PCED1B: variants seen among roughly 807,000 people sequenced by gnomAD.
The protein encoded by PCED1B is PC-esterase domain containing 1B.
For missense variants in PCED1B, 573 were observed against 573.9 expected (o/e 1.00, Z 0.02); for synonymous variants, 251 against 246.1 (o/e 1.02, Z -0.19).
chr12:47,140,047 C>T lies in PCED1B; in HGVS notation c.-526+35852C>T, dbSNP rs533242762. Among the ~76,000 whole-genome samples, 30 of 152,238 alleles carry T rather than the reference C, an allele frequency of 2.0e-4. No homozygotes were observed. The South Asian group carries it at 6.0e-3, about 31-fold the overall frequency. ...CATCCTGCCAGGGTGATTGAAAACT[C>T]CAGCTTGAAAATAAAATAAGCATTC... On this transcript the variant is annotated intron_variant, in intron 2 of 3. Coordinates refer to ENST00000546455, the MANE Select transcript of PCED1B (RefSeq NM_138371.3).
intron 1 of PCED1B, among the ~76,000 whole-genome samples, chr12:47,094,746 T>C (rs1938407744): frequency 6.6e-6 from 1 of 152,158 alleles, no homozygotes; most frequent in African/African-American, 2.4e-5. Context: ...TAGTTCTACA[T>C]ATATTTTATA....
chr12:47,085,776 A>G (rs1307364990), intron 1 of PCED1B, among the ~76,000 whole-genome samples: 1 of 152,212 alleles, frequency 6.6e-6, no homozygotes, highest in Non-Finnish European at 1.5e-5. Flanking sequence ...CTATTATTCT[A>G]GAGTCCTTTG....
At chr12:47,184,474 A>G (rs1942192917) in intron 2 of PCED1B, among the ~76,000 whole-genome samples, 1 of 152,234 alleles carries the variant, frequency 6.6e-6, no homozygotes, top group African/African-American at 2.4e-5. Context: ...CAGCAGCTCC[A>G]GCACACACCA....
chr12:47,230,298 A>G (rs565790481), intron 3 of PCED1B, among the ~76,000 whole-genome samples: 6 of 151,650 alleles, frequency 4.0e-5, no homozygotes. Flanking sequence ...GTTTGCCAGG[A>G]TGGTCTCCAT....
intron 2 of PCED1B, among the ~76,000 whole-genome samples, chr12:47,175,837 C>G (rs148925191): frequency 0.022 from 3,390 of 151,810 alleles, 96 homozygotes; most frequent in African/African-American, 0.064. Flanking sequence ...CTCCCAAAGT[C>G]CTGGGTTTAC....
At chr12:47,192,571 C>T (rs906762654) in intron 2 of PCED1B, among the ~76,000 whole-genome samples, 11 of 152,132 alleles carry the variant, frequency 7.2e-5, no homozygotes, top group African/African-American at 1.2e-4. Flanking sequence ...TGGAATTGGA[C>T]GAGGGCAGAG....
intron 1 of PCED1B, among the ~76,000 whole-genome samples, chr12:47,082,883 G>A (rs568910892): frequency 1.8e-4 from 27 of 151,734 alleles, no homozygotes; most frequent in African/African-American, 2.4e-4. Flanking sequence ...AATAGGATGC[G>A]ATAGATATTC....
chr12:47,124,370 A>G (rs1351238899), intron 2 of PCED1B, among the ~76,000 whole-genome samples: 1 of 152,020 alleles, frequency 6.6e-6, no homozygotes, highest in African/African-American at 2.4e-5. Context: ...TTTATTGCTG[A>G]ACACTATTCC....
chr12:47,194,213 C>G (rs1052801976), intron 2 of PCED1B, among the ~76,000 whole-genome samples: 4 of 152,178 alleles, frequency 2.6e-5, no homozygotes, highest in African/African-American at 9.7e-5. Flanking sequence ...CTCACTCTGT[C>G]GCCCAGGCTG....
intron 1 of PCED1B, among the ~76,000 whole-genome samples, chr12:47,097,395 G>C (rs1438118046): frequency 1.3e-5 from 2 of 152,160 alleles, no homozygotes; most frequent in African/African-American, 4.8e-5. Context: ...CAAACATAGG[G>C]AGTTTCCTCA....
intron 2 of PCED1B, among the ~76,000 whole-genome samples, chr12:47,189,394 T>A (rs572053355): frequency 1.3e-5 from 2 of 152,334 alleles, no homozygotes; most frequent in South Asian, 2.1e-4. Context: ...GTGCCGTGAA[T>A]GGAGAGGTGC....
chr12:47,218,791 C>A (rs1943383664), intron 3 of PCED1B, among the ~76,000 whole-genome samples: 1 of 151,450 alleles, frequency 6.6e-6, no homozygotes, highest in African/African-American at 2.4e-5. Flanking sequence ...CAGGTGTGAG[C>A]CACTCTACCT....
intron 2 of PCED1B, among the ~76,000 whole-genome samples, chr12:47,110,006 G>A (rs550920769): frequency 4.3e-4 from 65 of 152,296 alleles, no homozygotes; most frequent in African/African-American, 1.5e-3. Flanking sequence ...TTAGTAAAAT[G>A]GAGATTCTAC....
At chr12:47,167,879 A>C (rs2137535565) in intron 2 of PCED1B, among the ~76,000 whole-genome samples, 1 of 152,272 alleles carries the variant, frequency 6.6e-6, no homozygotes, top group South Asian at 2.1e-4. Context: ...GCAGGCCAAC[A>C]TTGCTCTCCT....
intron 2 of PCED1B, among the ~76,000 whole-genome samples, chr12:47,106,607 C>T (rs976276691): frequency 1.1e-4 from 17 of 152,164 alleles, no homozygotes; most frequent in Admixed American, 5.2e-4. Context: ...CTGTAGGCGT[C>T]GAGCCTCCTC....
At chr12:47,126,826 T>C (rs1258677966) in intron 2 of PCED1B, among the ~76,000 whole-genome samples, 1 of 152,212 alleles carries the variant, frequency 6.6e-6, no homozygotes. Flanking sequence ...TTTTACACTC[T>C]GTTGAGTCCA....
intron 2 of PCED1B, among the ~76,000 whole-genome samples, chr12:47,173,956 A>G (rs1941835977): frequency 6.6e-6 from 1 of 152,216 alleles, no homozygotes; most frequent in African/African-American, 2.4e-5. Flanking sequence ...AAAAGTGTCT[A>G]GCATGGTGGC....
At position 47,235,323 on chromosome 12, in the gene PCED1B, A is replaced by G. The variant is rs778805102; in HGVS notation, c.260A>G (p.His87Arg). 6 of 1,613,972 alleles carry G rather than the reference A, an allele frequency of 3.7e-6. No individual in the cohort carries two copies. Among genetic ancestry groups the G allele is most frequent in the Non-Finnish European group, 5.1e-6 (6 of 1,180,036 alleles). Residue 87 changes from histidine (H) to arginine (R), a missense_variant, in exon 4 of 4, where the codon CAT (histidine) becomes CGT (arginine). Physicochemically the swap from His to Arg is conservative, Grantham distance 29. Transcript: ENST00000546455. ...REVREFRSDH[H>R]LVRFYFLTRV... ...GTCCGCGAGTTCCGCTCCGACCACC[A>G]TCTGGTACGTTTTTACTTCCTCACC... is the stretch of plus-strand genomic sequence containing the variant.
At chr12:47,224,626 C>A (rs1943580632) in intron 3 of PCED1B, among the ~76,000 whole-genome samples, 1 of 152,142 alleles carries the variant, frequency 6.6e-6, no homozygotes, top group Admixed American at 6.6e-5. Flanking sequence ...CCGTTTTTCG[C>A]TTATCTCGCA....
Sources: gnomAD v4.1 joint callset for allele counts (sites outside exome capture counted in the v4.1 genomes callset) on GRCh38, gnomAD v4.1.1 for gene constraint, MANE v1.5 for transcripts, NCBI Gene and HGNC (gene_info 2026-07-23, HGNC 2026-07-21) for gene names.